RBFOX1: variants seen among roughly 807,000 people sequenced by gnomAD.
RBFOX1 encodes RNA binding fox-1 homolog 1.
A neutral mutation model predicts 57.7 loss-of-function variants in RBFOX1; 8 were observed. That is an observed-to-expected ratio of 0.14 (90% confidence interval 0.08 to 0.25). The LOEUF (loss-of-function observed/expected upper bound fraction) is 0.25. Among genes scored for constraint, RBFOX1 ranks in the 10% least tolerant of loss-of-function variants. RBFOX1 has a pLI of 1.00. For synonymous variants in RBFOX1, 326 were observed against 222.4 expected, an observed-to-expected ratio of 1.47 and a Z score of -4.15; for missense variants, 611 against 548.5, an observed-to-expected ratio of 1.11 and a Z score of -1.14.
intron 3 of RBFOX1, among the ~76,000 whole-genome samples, chr16:6,965,317 G>T (rs1279174936): frequency 3.5e-3 from 3 of 852 alleles, no homozygotes; most frequent in African/African-American, 0.016. Flanking sequence ...TTCTTTTGTT[G>T]TGTGTGTGTG....
intron 3 of RBFOX1, among the ~76,000 whole-genome samples, chr16:5,775,250 T>G (rs1431692358): frequency 1.3e-5 from 2 of 152,142 alleles, no homozygotes; most frequent in African/African-American, 4.8e-5. Context: ...ACCATAGCTG[T>G]TCCTAAGCTT....
chr16:6,312,191 C>G (rs551153188), intron 1 of RBFOX1, among the ~76,000 whole-genome samples: 2 of 152,246 alleles, frequency 1.3e-5, no homozygotes, highest in East Asian at 3.9e-4. Context: ...GGGCATGTTT[C>G]TTACACAGCA....
intron 2 of RBFOX1, among the ~76,000 whole-genome samples, chr16:6,390,936 C>T (rs2092569804): frequency 6.6e-6 from 1 of 152,124 alleles, no homozygotes; most frequent in Non-Finnish European, 1.5e-5. Context: ...TCAACCTCAG[C>T]ACTACTGACA....
At chr16:5,969,122 G>T (rs766508238) in intron 4 of RBFOX1, among the ~76,000 whole-genome samples, 1 of 151,580 alleles carries the variant, frequency 6.6e-6, no homozygotes, top group Non-Finnish European at 1.5e-5. Flanking sequence ...TCCATTTCTT[G>T]TATCCCTTTC....
chr16:5,599,360 C>G lies in RBFOX1; in HGVS notation c.*111C>G, dbSNP rs893753858. 9.9e-6 allele frequency: 6 copies of G among 605,132 alleles called. 1 individual carries two copies. Among genetic ancestry groups the G allele is most frequent in the South Asian group, 4.0e-5 (2 of 49,766 alleles). 37.5% of individuals were successfully genotyped at this position (605,132 alleles called of 1,614,324 possible). A position where few individuals can be genotyped will look rare whatever the true frequency, so the allele number is the denominator to read the frequency against. ...TGTCTTCCTAGTAAGGACAGGAATG[C>G]TTACTGAGTGCTCTGGGGTCCTGCA... is the stretch of plus-strand genomic sequence containing the variant. On this transcript the variant is annotated 3_prime_UTR_variant, in exon 3 of 3. Transcript: ENST00000585867.
chr16:5,376,095 G>A (rs1431017905), intron 1 of RBFOX1, among the ~76,000 whole-genome samples: 1 of 151,898 alleles, frequency 6.6e-6, no homozygotes, highest in Non-Finnish European at 1.5e-5. Flanking sequence ...TTGAACCTGG[G>A]AGGCAGAGGT....
At chr16:5,708,721 C>G (rs74006214) in intron 3 of RBFOX1, among the ~76,000 whole-genome samples, 1 of 152,138 alleles carries the variant, frequency 6.6e-6, no homozygotes, top group Non-Finnish European at 1.5e-5. Flanking sequence ...CTGGCACCGG[C>G]TTGGGCAATA....
At chr16:7,188,136 C>G (rs1209682283) in intron 4 of RBFOX1, among the ~76,000 whole-genome samples, 2 of 152,160 alleles carry the variant, frequency 1.3e-5, no homozygotes, top group African/African-American at 2.4e-5. Context: ...GATCAGCCAA[C>G]TCAGCAAGAG....
intron 2 of RBFOX1, among the ~76,000 whole-genome samples, chr16:5,550,173 C>G (rs757446810): frequency 1.3e-5 from 2 of 152,110 alleles, no homozygotes; most frequent in African/African-American, 4.8e-5. Flanking sequence ...TGCAGTGTTG[C>G]GAGAGGGGCT....
intron 4 of RBFOX1, among the ~76,000 whole-genome samples, chr16:6,003,783 G>A (rs558659533): frequency 6.6e-6 from 1 of 152,196 alleles, no homozygotes; most frequent in Admixed American, 6.5e-5. Flanking sequence ...AAATGCCTCA[G>A]GAACCACACA....
At chr16:7,401,038 C>G (rs1318013949) in intron 4 of RBFOX1, among the ~76,000 whole-genome samples, 1 of 152,178 alleles carries the variant, frequency 6.6e-6, no homozygotes, top group Admixed American at 6.5e-5. Context: ...TTGCCCGATG[C>G]AGCTGATTCG....
At chr16:6,340,001 AG>A (rs1234719727) in intron 2 of RBFOX1, among the ~76,000 whole-genome samples, 1 of 152,170 alleles carries the variant, frequency 6.6e-6, no homozygotes, top group Non-Finnish European at 1.5e-5. Flanking sequence ...CTTAAACAAA[AG>A]CTTTATGATT....
intron 1 of RBFOX1, among the ~76,000 whole-genome samples, chr16:6,118,538 C>T (rs563137924): frequency 1.1e-4 from 17 of 152,058 alleles, no homozygotes; most frequent in South Asian, 6.2e-4. Context: ...CCGCCGCCTC[C>T]GCCTCCTCCT....
intron 2 of RBFOX1, among the ~76,000 whole-genome samples, chr16:5,555,703 A>C (rs1297298994): frequency 6.6e-6 from 1 of 151,816 alleles, no homozygotes; most frequent in Non-Finnish European, 1.5e-5. Flanking sequence ...GTGTTTCACT[A>C]AGTCTGGACA....
chr16:7,174,498 T>C (rs2081283750), intron 4 of RBFOX1, among the ~76,000 whole-genome samples: 1 of 152,168 alleles, frequency 6.6e-6, no homozygotes, highest in Admixed American at 6.5e-5. Flanking sequence ...ACCACTAAAC[T>C]GGCTGGGCGC....
intron 1 of RBFOX1, among the ~76,000 whole-genome samples, chr16:5,255,569 C>A (rs2062572872): frequency 6.6e-6 from 1 of 151,886 alleles, no homozygotes; most frequent in South Asian, 2.1e-4. Context: ...CCCACCCGTC[C>A]ATCCATTTAT....
intron 3 of RBFOX1, among the ~76,000 whole-genome samples, chr16:6,787,487 TAAGTTG>T (rs1406747824): frequency 6.6e-6 from 1 of 152,198 alleles, no homozygotes; most frequent in East Asian, 1.9e-4. Flanking sequence ...TCCCTGTGGT[TAAGTTG>T]AAGTTGTGTG....
At chr16:5,633,428 A>G (rs2048582602) in intron 3 of RBFOX1, among the ~76,000 whole-genome samples, 1 of 152,128 alleles carries the variant, frequency 6.6e-6, no homozygotes, top group Non-Finnish European at 1.5e-5. Context: ...GATTTCTGAG[A>G]TTTTGTTGCA....
Position 7,709,107 on chromosome 16 carries a change from C to T in RBFOX1, c.1047C>T (p.Ala349=), listed in dbSNP as rs1248936672. The T allele has an allele frequency of 1.2e-6, 2 of 1,613,554 alleles. No individual in the cohort carries two copies. Among genetic ancestry groups the T allele is most frequent in the East Asian group, 2.2e-5 (1 of 44,836 alleles). The change falls in exon 15 of 16, where the codon GCC becomes GCT. Residue 349 remains alanine, a synonymous_variant. Coordinates refer to ENST00000550418, the MANE Select transcript of RBFOX1 (RefSeq NM_018723.4). Reference sequence around the variant, plus strand: ...CCTACCACCACGCACTTGCTCCAGCCCCCACCTACGGCGTTGGTGCCATGG... The same window carrying T: ...CCTACCACCACGCACTTGCTCCAGCTCCCACCTACGGCGTTGGTGCCATGG... ...ADPYHHALAP[A]PTYGVGAMNA...
Sources: gnomAD v4.1 joint callset for allele counts (sites outside exome capture counted in the v4.1 genomes callset) on GRCh38, gnomAD v4.1.1 for gene constraint, MANE v1.5 for transcripts, NCBI Gene and HGNC (gene_info 2026-07-23, HGNC 2026-07-21) for gene names.